Variants in CHST9 observed in about 807,000 individuals in gnomAD.
CHST9 encodes carbohydrate sulfotransferase 9.
Under a neutral mutation model 44.4 loss-of-function variants are expected in CHST9, and 41 were observed. That is an observed-to-expected ratio of 0.92 (90% CI 0.72 to 1.20). The LOEUF (loss-of-function observed/expected upper bound fraction) is 1.20, where lower values mean the gene tolerates loss of function less well. Among genes scored for constraint, CHST9 ranks in the 50% most tolerant of loss-of-function variants. The pLI is 0.00. For synonymous variants in CHST9, 171 were observed against 178.4 expected (o/e 0.96, Z 0.33); for missense variants, 504 against 516.5 (o/e 0.98, Z 0.23).
At chr18:27,053,207 G>GA in intron 2 of CHST9, among the ~76,000 whole-genome samples, 1 of 120,136 alleles carries the variant, frequency 8.3e-6, no homozygotes, top group African/African-American at 3.2e-5. Context: ...AGAACAAGAA[G>GA]AGGAGGAAGA....
At chr18:27,163,762 C>T (rs1021592633) in intron 1 of CHST9, among the ~76,000 whole-genome samples, 3 of 152,226 alleles carry the variant, frequency 2.0e-5, no homozygotes, top group South Asian at 2.1e-4. Context: ...TTGCACTTCC[C>T]GGGTGAGGCC....
intron 2 of CHST9, among the ~76,000 whole-genome samples, chr18:27,104,945 A>C (rs1200681592): frequency 6.6e-6 from 1 of 152,182 alleles, no homozygotes; most frequent in Non-Finnish European, 1.5e-5. Context: ...TTAAATGAAT[A>C]AAAGATGCAA....
chr18:27,006,970 C>T (rs1403080012), intron 4 of CHST9, among the ~76,000 whole-genome samples: 1 of 152,050 alleles, frequency 6.6e-6, no homozygotes, highest in African/African-American at 2.4e-5. Context: ...TGTATGTGAG[C>T]ATGTGTACGT....
intron 4 of CHST9, among the ~76,000 whole-genome samples, chr18:26,967,095 A>G (rs1271066429): frequency 6.6e-6 from 1 of 152,120 alleles, no homozygotes; most frequent in African/African-American, 2.4e-5. Flanking sequence ...TGTGAATTCT[A>G]ACACTAATCA....
intron 2 of CHST9, among the ~76,000 whole-genome samples, chr18:27,137,032 A>G (rs1159303601): frequency 6.6e-6 from 1 of 152,178 alleles, no homozygotes; most frequent in Admixed American, 6.6e-5. Context: ...ATGTTGTTAC[A>G]TATGAGTATT....
intron 2 of CHST9, among the ~76,000 whole-genome samples, chr18:27,102,325 T>C (rs1037635723): frequency 1.4e-4 from 21 of 152,222 alleles, no homozygotes; most frequent in African/African-American, 4.8e-4. Context: ...TAGTAATTTA[T>C]AGAACAGATT....
intron 4 of CHST9, among the ~76,000 whole-genome samples, chr18:27,008,250 T>C (rs531733588): frequency 3.9e-4 from 59 of 152,262 alleles, no homozygotes; most frequent in Non-Finnish European, 6.6e-4. Flanking sequence ...AACATGAAAG[T>C]CATCCACTGA....
intron 2 of CHST9, among the ~76,000 whole-genome samples, chr18:27,088,851 T>C (rs1006958789): frequency 6.6e-6 from 1 of 152,194 alleles, no homozygotes; most frequent in Admixed American, 6.5e-5. Flanking sequence ...GGGTTTCACA[T>C]ACCAGGGACC....
chr18:27,045,124 T>C (rs1424177092), intron 3 of CHST9, among the ~76,000 whole-genome samples: 1 of 151,938 alleles, frequency 6.6e-6, no homozygotes, highest in African/African-American at 2.4e-5. Context: ...CATTTCTAAC[T>C]TTAGGGATGC....
rs1297271707 is a variant in CHST9 at position 26,917,026 on chromosome 18, A to G, written c.565T>C (p.Tyr189His). ...GACTGATGATGACTCACCCCACCGT[A>G]TTTCTTGCAAAACTCCTGAAGGAAA... ...RSFLQEFCKK[Y>H]GGVSHHQSHL... The change falls in exon 6 of 6, where the codon TAC (tyrosine) becomes CAC (histidine). Residue 189 changes from tyrosine (Y) to histidine (H), a missense_variant. Transcript: ENST00000618847. 1 of 1,613,906 alleles carries G rather than the reference A, an allele frequency of 6.2e-7. No homozygotes were observed. Among genetic ancestry groups the G allele is most frequent in the South Asian group, 1.1e-5 (1 of 91,078 alleles).
rs2055397626 is a variant in CHST9 at position 26,908,457 on chromosome 18, A to T, written c.*7802T>A. On this transcript the variant is annotated 3_prime_UTR_variant, in exon 6 of 6. Coordinates refer to ENST00000618847, the MANE Select transcript of CHST9 (RefSeq NM_031422.6). ...GTAAGATGGGGAGGGATAGGAAAATATTCATTAAAAGGATACCAAAAAATG... is the reference window on the plus strand; with the variant it reads ...GTAAGATGGGGAGGGATAGGAAAATTTTCATTAAAAGGATACCAAAAAATG... 1.3e-5 allele frequency: 2 copies of T among 152,128 alleles called. No individual in the cohort carries two copies. Among genetic ancestry groups the T allele is most frequent in the South Asian group, 4.1e-4 (2 of 4,826 alleles). 9.4% of individuals were successfully genotyped at this position (152,128 alleles called of 1,614,324 possible). A position where few individuals can be genotyped will look rare whatever the true frequency, so the allele number is the denominator to read the frequency against.
At chr18:27,046,989 T>C (rs1015319588) in intron 3 of CHST9, among the ~76,000 whole-genome samples, 12 of 152,232 alleles carry the variant, frequency 7.9e-5, no homozygotes, top group Non-Finnish European at 1.6e-4. Context: ...TGAAAAGTGT[T>C]TTATTAAGCA....
At chr18:27,081,873 T>G (rs1427738028) in intron 2 of CHST9, among the ~76,000 whole-genome samples, 1 of 152,178 alleles carries the variant, frequency 6.6e-6, no homozygotes, top group Non-Finnish European at 1.5e-5. Context: ...GAACTAAAAC[T>G]TCCTGCTACA....
chr18:27,183,621 A>G (rs1358903852), intron 1 of CHST9, among the ~76,000 whole-genome samples: 1 of 152,168 alleles, frequency 6.6e-6, no homozygotes, highest in African/African-American at 2.4e-5. Context: ...TGCAATCTAA[A>G]TGTTTTCCAT....
At chr18:26,920,215 A>T (rs1160185141) in intron 5 of CHST9, among the ~76,000 whole-genome samples, 1 of 152,096 alleles carries the variant, frequency 6.6e-6, no homozygotes, top group Admixed American at 6.5e-5. Flanking sequence ...TATTCCCACC[A>T]TCTTTCTGAC....
intron 4 of CHST9, among the ~76,000 whole-genome samples, chr18:27,012,152 A>G (rs540972048): frequency 6.6e-6 from 1 of 152,268 alleles, no homozygotes; most frequent in Admixed American, 6.5e-5. Flanking sequence ...TGTTAATTAT[A>G]ATTTATGTAC....
At chr18:27,034,833 T>A (rs1168903346) in intron 3 of CHST9, among the ~76,000 whole-genome samples, 1 of 152,232 alleles carries the variant, frequency 6.6e-6, no homozygotes, top group Non-Finnish European at 1.5e-5. Flanking sequence ...ATGGGATAAT[T>A]ACCATAGACT....
intron 2 of CHST9, among the ~76,000 whole-genome samples, chr18:27,109,686 C>T (rs574321650): frequency 6.6e-6 from 1 of 152,318 alleles, no homozygotes; most frequent in South Asian, 2.1e-4. Flanking sequence ...ACTCCCATCA[C>T]GATCTATCTG....
chr18:26,998,411 A>T (rs1465044506), intron 4 of CHST9, among the ~76,000 whole-genome samples: 3 of 152,344 alleles, frequency 2.0e-5, no homozygotes, highest in East Asian at 3.9e-4. Context: ...AAGAAATAAA[A>T]GTATTAATGA....
Sources: allele counts gnomAD v4.1 joint callset (sites outside exome capture counted in the v4.1 genomes callset), GRCh38; gene constraint gnomAD v4.1.1; transcripts MANE v1.5; gene names NCBI Gene and HGNC (gene_info 2026-07-23, HGNC 2026-07-21).